The following SLC26A3 variants were observed in gnomAD, a reference collection of about 807,000 sequenced individuals.
SLC26A3 encodes the protein chloride anion exchanger.
In SLC26A3, 64 loss-of-function variants were observed where a neutral mutation model predicts 85.6. The observed-to-expected ratio is 0.75, with a 90% CI of 0.61 to 0.92. The LOEUF (loss-of-function observed/expected upper bound fraction) is 0.92. SLC26A3 is among the 40% of genes least tolerant of loss of function. SLC26A3 has a pLI of 0.00. For missense variants in SLC26A3, 922 were observed against 927.3 expected (o/e 0.99, Z 0.07); for synonymous variants, 349 against 336.0 (o/e 1.04, Z -0.42).
At chr7:107,781,366 T>C (rs1794212877) in intron 11 of SLC26A3, among the ~76,000 whole-genome samples, 1 of 152,120 alleles carries the variant, frequency 6.6e-6, no homozygotes, top group African/African-American at 2.4e-5. Flanking sequence ...AACAAAGACA[T>C]TCCTGACCAC....
At chr7:107,778,992 T>TAA (rs756737558) in intron 12 of SLC26A3, among the ~76,000 whole-genome samples, 1 of 151,392 alleles carries the variant, frequency 6.6e-6, no homozygotes, top group Non-Finnish European at 1.5e-5. Context: ...TCCTATCTCT[T>TAA]AAAAAAAAAT....
chr7:107,770,863 T>G (rs1424575350), intron 18 of SLC26A3, among the ~76,000 whole-genome samples: 1 of 152,182 alleles, frequency 6.6e-6, no homozygotes, highest in African/African-American at 2.4e-5. Flanking sequence ...CAAAATTATG[T>G]GATACGTGCG....
At chr7:107,770,872 C>T (rs978959431) in intron 18 of SLC26A3, among the ~76,000 whole-genome samples, 2 of 152,142 alleles carry the variant, frequency 1.3e-5, no homozygotes, top group Non-Finnish European at 1.5e-5. Context: ...GTGATACGTG[C>T]GTACTCTGTA....
intron 6 of SLC26A3, among the ~76,000 whole-genome samples, chr7:107,788,907 C>T (rs1794345625): frequency 6.7e-6 from 1 of 150,336 alleles, no homozygotes; most frequent in Non-Finnish European, 1.5e-5. Flanking sequence ...CTCAGCCTTC[C>T]AAAAAGCTGG....
At position 107,778,296 on chromosome 7, in the gene SLC26A3, C is replaced by G; in HGVS notation, c.1408-15G>C. ...ATCCAAATTAACTGTGAAAAGAAAGCAACACATACACTACAATTTACTTTG... is the reference window on the plus strand; with the variant it reads ...ATCCAAATTAACTGTGAAAAGAAAGGAACACATACACTACAATTTACTTTG... On this transcript the variant is annotated splice_polypyrimidine_tract_variant and intron_variant, in intron 12 of 20. Coordinates refer to ENST00000340010, the MANE Select transcript of SLC26A3 (RefSeq NM_000111.3). The G allele has an allele frequency of 4.1e-6, 6 of 1,467,896 alleles. No homozygotes were observed. The highest frequency in any genetic ancestry group is 5.7e-6 in the Non-Finnish European group (6 of 1,050,840). The allele number at this position is 1,467,896 out of a possible 1,614,324, so 90.9% of individuals were successfully genotyped here. A position where few individuals can be genotyped will look rare whatever the true frequency, so the allele number is the denominator to read the frequency against.
At chr7:107,799,113 G>A (rs374637310) in intron 1 of SLC26A3, among the ~76,000 whole-genome samples, 1 of 152,178 alleles carries the variant, frequency 6.6e-6, no homozygotes, top group Non-Finnish European at 1.5e-5. Flanking sequence ...GGTGAATGGA[G>A]GGGAGGGGTC....
At chr7:107,797,362 C>T (rs997455007) in intron 1 of SLC26A3, among the ~76,000 whole-genome samples, 9 of 152,218 alleles carry the variant, frequency 5.9e-5, no homozygotes, top group Middle Eastern at 3.4e-3. Context: ...GGCGTGGTGG[C>T]GGGCACCTGT....
At chr7:107,778,404 T>A in intron 12 of SLC26A3, 123 bp from the exon 13 acceptor site, 2 of 649,576 alleles carry the variant, frequency 3.1e-6, no homozygotes, top group Non-Finnish European at 5.2e-6. Context: ...CTTGTCCCTA[T>A]AAAAAAAATT....
chr7:107,802,742 C>CTTTTTTTTTTTTT (rs35087147), intron 1 of SLC26A3, among the ~76,000 whole-genome samples: 9 of 110,766 alleles, frequency 8.1e-5, no homozygotes, highest in African/African-American at 2.5e-4. Context: ...TTAAAGCTTG[C>CTTTTTTTTTTTTT]TTTTTTTTTT....
chr7:107,779,902 G>A (rs1794187672), intron 11 of SLC26A3, 139 bp from the exon 12 acceptor site: 4 of 735,422 alleles, frequency 5.4e-6, no homozygotes, highest in Admixed American at 2.0e-5. Flanking sequence ...TCCGGTGTGC[G>A]ATGCCACGCA....
chr7:107,770,749 T>C (rs1794015756), intron 18 of SLC26A3, among the ~76,000 whole-genome samples: 1 of 152,160 alleles, frequency 6.6e-6, no homozygotes, highest in Non-Finnish European at 1.5e-5. Flanking sequence ...CTTTACTGAA[T>C]GCCCATCATG....
Position 107,783,073 on chromosome 7 carries a change from C to T in SLC26A3, c.1140G>A (p.Leu380=). ...TGAATACTCCACAGACTATGTTACC[C>T]AGTCCCAAGGCTATTAACTCCTGAC... ...DGNQELIALG[L]GNIVCGVFRG... Residue 380 remains leucine, a synonymous_variant, in exon 10 of 21, where the codon CTG becomes CTA. Coordinates refer to ENST00000340010, the MANE Select transcript of SLC26A3 (RefSeq NM_000111.3). 6.2e-7 allele frequency: 1 copy of T among 1,614,152 alleles called. No individual in the cohort carries two copies. Among genetic ancestry groups the T allele is most frequent in the Non-Finnish European group, 8.5e-7 (1 of 1,180,012 alleles).
chr7:107,783,103 A>G lies in SLC26A3; in HGVS notation c.1120-10T>C. Reference sequence around the variant, plus strand: ...CCAAGGCTATTAACTCCTGACAGGAAGACAAGAATGAACCTTTTTCAGAAG... The same window carrying G: ...CCAAGGCTATTAACTCCTGACAGGAGGACAAGAATGAACCTTTTTCAGAAG... On this transcript the variant is annotated splice_polypyrimidine_tract_variant and intron_variant, in intron 9 of 20. Coordinates refer to ENST00000340010, the MANE Select transcript of SLC26A3 (RefSeq NM_000111.3). 1.2e-6 allele frequency: 2 copies of G among 1,613,838 alleles called. No homozygotes were observed. Among genetic ancestry groups the G allele is most frequent in the South Asian group, 1.1e-5 (1 of 91,074 alleles).
intron 13 of SLC26A3, among the ~76,000 whole-genome samples, 179 bp downstream of exon 13, chr7:107,777,996 C>T (rs187607549): frequency 4.6e-5 from 7 of 152,326 alleles, no homozygotes; most frequent in East Asian, 3.9e-4. Flanking sequence ...AAAGCTGGGC[C>T]GTGCTATTGC....
At position 107,789,263 on chromosome 7, in the gene SLC26A3, C is replaced by G. The variant is rs571523045; in HGVS notation, c.735+261G>C. Among the ~76,000 whole-genome samples the G allele has an allele frequency of 1.8e-3, 264 of 148,976 alleles. 1 individual carries two copies. Among genetic ancestry groups the G allele is most frequent in the Non-Finnish European group, 3.2e-3 (216 of 66,970 alleles). ...TCTGGAGTAGCTGGGACTACAGGTG[C>G]CTGCCACCATGCCCGGCTATTTTTT... On this transcript the variant is annotated intron_variant, in intron 6 of 20. Transcript: ENST00000340010.
Position 107,793,898 on chromosome 7 carries a change from C to A in SLC26A3, c.132-17G>T. The A allele has an allele frequency of 6.2e-7, 1 of 1,613,832 alleles. No individual in the cohort carries two copies. Among genetic ancestry groups the A allele is most frequent in the Non-Finnish European group, 8.5e-7 (1 of 1,179,898 alleles). ...GGGGAACAGCTGAAAACATGGAAAGCCACAGGTCAGTCAATTAATATCAAA... is the reference window on the plus strand; with the variant it reads ...GGGGAACAGCTGAAAACATGGAAAGACACAGGTCAGTCAATTAATATCAAA... On this transcript the variant is annotated splice_polypyrimidine_tract_variant and intron_variant, in intron 2 of 20. Transcript: ENST00000340010.
chr7:107,788,103 C>G (rs1403071253), intron 6 of SLC26A3, among the ~76,000 whole-genome samples: 1 of 152,126 alleles, frequency 6.6e-6, no homozygotes, highest in Non-Finnish European at 1.5e-5. Context: ...AAAACTGGAT[C>G]CCAAATTGCT....
chr7:107,791,917 C>G lies in SLC26A3; in HGVS notation c.295G>C (p.Asp99His). 6.2e-7 allele frequency: 1 copy of G among 1,613,032 alleles called. No homozygotes were observed. The highest frequency in any genetic ancestry group is 8.5e-7 in the Non-Finnish European group (1 of 1,179,098). ...LQGLAFALLV[D>H]IPPVYGLYAS... The stretch of plus-strand genomic sequence containing the variant: ...TACAACCCATAGACTGGGGGAATGT[C>G]GACCAGCAGAGCAAATGCTAAACCT... Residue 99 changes from aspartate to histidine, a missense_variant, in exon 4 of 21, where the codon GAC becomes CAC. Physicochemically the swap from Asp to His is moderately conservative, Grantham distance 81 (BLOSUM62 -1). Transcript: ENST00000340010.
chr7:107,793,304 C>T (rs956700579), intron 3 of SLC26A3, among the ~76,000 whole-genome samples: 5 of 152,174 alleles, frequency 3.3e-5, no homozygotes, highest in Admixed American at 6.5e-5. Flanking sequence ...AATAGCATTA[C>T]TCATAACTCA....
Sources: allele counts gnomAD v4.1 joint callset (sites outside exome capture counted in the v4.1 genomes callset), GRCh38; gene constraint gnomAD v4.1.1; transcripts MANE v1.5; gene names NCBI Gene and HGNC (gene_info 2026-07-23, HGNC 2026-07-21).